HMCN1: variants seen among roughly 807,000 people sequenced by gnomAD.
HMCN1 encodes the protein hemicentin 1.
HMCN1 carries 321 observed loss-of-function variants against 625.9 expected under a neutral mutation model. That is an observed-to-expected ratio of 0.51 (90% confidence interval 0.47 to 0.56). The LOEUF is 0.56. HMCN1 is among the 20% of genes least tolerant of loss of function. The probability of loss-of-function intolerance (pLI) is 0.00; values close to 1 mark genes in which losing one functional copy is unlikely to be tolerated. For synonymous variants in HMCN1, 2,425 were observed against 2,417.6 expected, an observed-to-expected ratio of 1.00 and a Z score of -0.09; for missense variants, 6,588 against 6,887.3, an observed-to-expected ratio of 0.96 and a Z score of 1.54.
intron 4 of HMCN1, among the ~76,000 whole-genome samples, chr1:185,881,039 C>T (rs1186252687): frequency 6.6e-6 from 1 of 152,200 alleles, no homozygotes; most frequent in African/African-American, 2.4e-5. Context: ...CTCCCAAAGT[C>T]CCAGAAGGCA....
At chr1:185,924,971 A>G (rs1667201421) in intron 8 of HMCN1, 76 bp from the exon 9 acceptor site, 1 of 1,231,740 alleles carries the variant, frequency 8.1e-7, no homozygotes. Flanking sequence ...TTTTGAATGG[A>G]TTAAGAGGCA....
chr1:185,814,196 C>T (rs1428537056), intron 1 of HMCN1, among the ~76,000 whole-genome samples: 1 of 152,114 alleles, frequency 6.6e-6, no homozygotes, highest in African/African-American at 2.4e-5. Context: ...TTCTTTCTTC[C>T]CTTAAAACAA....
chr1:185,975,533 G>A (rs1438176194), intron 15 of HMCN1, among the ~76,000 whole-genome samples: 1 of 151,942 alleles, frequency 6.6e-6, no homozygotes, highest in Non-Finnish European at 1.5e-5. Flanking sequence ...CTCCCACCAG[G>A]CCCCTCCTCC....
intron 19 of HMCN1, 143 bp downstream of exon 19, chr1:185,984,456 A>G (rs1651878554): frequency 1.1e-6 from 1 of 898,302 alleles, no homozygotes; most frequent in Non-Finnish European, 1.8e-6. Flanking sequence ...CAATATCTAC[A>G]TTGTTAATGT....
At chr1:185,959,919 A>G (rs1649889459) in intron 11 of HMCN1, among the ~76,000 whole-genome samples, 1 of 152,154 alleles carries the variant, frequency 6.6e-6, no homozygotes, top group South Asian at 2.1e-4. Flanking sequence ...CATTGAAACT[A>G]CTTCATTAAA....
rs190174910 is a variant in HMCN1, at chr1:186,145,367, G to T, written c.14267-36G>T. On this transcript the variant is annotated intron_variant, in intron 91 of 106. Transcript: ENST00000271588. Reference sequence around the variant, plus strand: ...ATTGTTGACCACTTCTCATTTTAGGGGCTCTGTTTTCATCTCAGATTATTC... The same window carrying T: ...ATTGTTGACCACTTCTCATTTTAGGTGCTCTGTTTTCATCTCAGATTATTC... 5.9e-4 allele frequency: 888 copies of T among 1,516,408 alleles called. 1 individual carries two copies. Among genetic ancestry groups the T allele is most frequent in the Non-Finnish European group, 4.6e-4 (523 of 1,132,280 alleles). The allele number at this position is 1,516,408 out of a possible 1,614,324, so 93.9% of individuals were successfully genotyped here.
chr1:186,081,402 TAAAG>T lies in HMCN1; in HGVS notation c.8787+14_8787+17del. 1 of 1,594,050 alleles carries T rather than the reference TAAAG, an allele frequency of 6.3e-7. No homozygotes were observed. Among genetic ancestry groups the T allele is most frequent in the South Asian group, 1.1e-5 (1 of 90,544 alleles). Reference sequence around the variant, plus strand: ...AATGGACGAATTCTGCAGGTAAAAGTAAAGAAAGATCTAATTTTAAAAGAGCTAT... The same window carrying T: ...AATGGACGAATTCTGCAGGTAAAAGTAAAGATCTAATTTTAAAAGAGCTAT... On this transcript the variant is annotated intron_variant, in intron 56 of 106. Coordinates refer to ENST00000271588, the MANE Select transcript of HMCN1 (RefSeq NM_031935.3).
At chr1:185,864,849 A>G (rs1174168250) in intron 3 of HMCN1, among the ~76,000 whole-genome samples, 1 of 152,244 alleles carries the variant, frequency 6.6e-6, no homozygotes, top group Non-Finnish European at 1.5e-5. Context: ...TATGGAGAAG[A>G]CATGATTGGG....
At chr1:185,910,676 T>C (rs1666363545) in intron 5 of HMCN1, among the ~76,000 whole-genome samples, 1 of 151,830 alleles carries the variant, frequency 6.6e-6, no homozygotes, top group Admixed American at 6.6e-5. Context: ...GTTCAAACGA[T>C]TCTCCTGCCT....
chr1:185,999,922 G>A, intron 25 of HMCN1, 123 bp from the exon 26 acceptor site: 1 of 660,158 alleles, frequency 1.5e-6, no homozygotes, highest in South Asian at 2.0e-5. Context: ...CTTGAAGGTA[G>A]CATAGGACCT....
chr1:186,013,049 A>C (rs1160207572), intron 30 of HMCN1, among the ~76,000 whole-genome samples: 1 of 149,958 alleles, frequency 6.7e-6, no homozygotes, highest in African/African-American at 2.4e-5. Flanking sequence ...TATGCATAGC[A>C]TAAAAATGCT....
chr1:185,882,744 C>T (rs1203131596), intron 4 of HMCN1, among the ~76,000 whole-genome samples: 1 of 151,916 alleles, frequency 6.6e-6, no homozygotes, highest in Non-Finnish European at 1.5e-5. Flanking sequence ...GGCTTTCAAC[C>T]ATGAGAAATA....
chr1:186,032,525 A>C (rs955535220), intron 36 of HMCN1, among the ~76,000 whole-genome samples: 4 of 152,070 alleles, frequency 2.6e-5, no homozygotes, highest in African/African-American at 4.8e-5. Context: ...TGGTCTTATA[A>C]GGGGCTTTTC....
intron 11 of HMCN1, among the ~76,000 whole-genome samples, chr1:185,953,711 A>G (rs1449860946): frequency 6.6e-6 from 1 of 151,860 alleles, no homozygotes; most frequent in Non-Finnish European, 1.5e-5. Context: ...GCAGGAGGAC[A>G]GGGGATTGAA....
intron 1 of HMCN1, among the ~76,000 whole-genome samples, chr1:185,755,508 G>GGCGT (rs1449521591): frequency 1.3e-5 from 2 of 152,170 alleles, no homozygotes; most frequent in Non-Finnish European, 2.9e-5. Context: ...TAGGCCTCAT[G>GGCGT]GCGTAGTGCT....
Position 186,047,249 on chromosome 1 carries a change from T to A in HMCN1, c.6480+1386T>A, listed in dbSNP as rs1374375171. Among the ~76,000 whole-genome samples the A allele has an allele frequency of 2.6e-5, 4 of 152,000 alleles. No homozygotes were observed. In the East Asian group the frequency reaches 7.7e-4, roughly 29 times the overall value. On this transcript the variant is annotated intron_variant, in intron 41 of 106. Transcript: ENST00000271588. Reference sequence around the variant, plus strand: ...CTGAATGAAAGAGGGATGAGCTAATTGAACTACACATGAAAAAAGAAGAAG... The same window carrying A: ...CTGAATGAAAGAGGGATGAGCTAATAGAACTACACATGAAAAAAGAAGAAG...
chr1:185,845,251 G>A (rs750208386), intron 1 of HMCN1, among the ~76,000 whole-genome samples: 4 of 151,894 alleles, frequency 2.6e-5, no homozygotes, highest in Admixed American at 6.6e-5. Flanking sequence ...ATGGAGTCTC[G>A]CTGTCTCCCA....
intron 42 of HMCN1, among the ~76,000 whole-genome samples, chr1:186,049,235 C>T (rs892108853): frequency 2.1e-4 from 32 of 151,960 alleles, no homozygotes; most frequent in African/African-American, 6.8e-4. Context: ...TGGGCGCTTG[C>T]GTGGTGGGAG....
chr1:185,932,198 C>T (rs1381921268), intron 10 of HMCN1, among the ~76,000 whole-genome samples: 1 of 152,130 alleles, frequency 6.6e-6, no homozygotes, highest in African/African-American at 2.4e-5. Context: ...TTTTAAAAAA[C>T]ATAACAAAAT....
Sources: allele counts gnomAD v4.1 joint callset (sites outside exome capture counted in the v4.1 genomes callset), GRCh38; gene constraint gnomAD v4.1.1; transcripts MANE v1.5; gene names NCBI Gene and HGNC (gene_info 2026-07-23, HGNC 2026-07-21).